Variants in ZGRF1 observed in about 807,000 individuals in gnomAD.
ZGRF1 encodes zinc finger GRF-type containing 1.
In ZGRF1, 196 loss-of-function variants were observed where a neutral mutation model predicts 203.5. The observed-to-expected ratio is 0.96, with a 90% CI of 0.86 to 1.08. ZGRF1 has a LOEUF of 1.08. Ranked by LOEUF, ZGRF1 falls within the 50% of genes least tolerant of loss-of-function variation. The probability of loss-of-function intolerance (pLI) is 0.00; values close to 1 mark genes in which losing one functional copy is unlikely to be tolerated. For synonymous variants in ZGRF1, 809 were observed against 841.3 expected (o/e 0.96, Z 0.66); for missense variants, 2,326 against 2,416.3 (o/e 0.96, Z 0.78).
chr4:112,609,370 A>G lies in ZGRF1; in HGVS notation c.2718+9T>C, dbSNP rs1751249011. 2 of 1,529,798 alleles carry G rather than the reference A, an allele frequency of 1.3e-6. No individual in the cohort carries two copies. The highest frequency in any genetic ancestry group is 2.8e-5 in the African/African-American group (2 of 71,722). 94.8% of individuals were successfully genotyped at this position (1,529,798 alleles called of 1,614,324 possible). A position where few individuals can be genotyped will look rare whatever the true frequency, so the allele number is the denominator to read the frequency against. On this transcript the variant is annotated intron_variant, in intron 8 of 27. Coordinates refer to ENST00000505019, the MANE Select transcript of ZGRF1 (RefSeq NM_018392.5). ...GCCCAGGGGCTAATTTATATTTTAAATAACTTACCTGCACAGACTGAAGTG... is the reference window on the plus strand; with the variant it reads ...GCCCAGGGGCTAATTTATATTTTAAGTAACTTACCTGCACAGACTGAAGTG...
intron 1 of ZGRF1, among the ~76,000 whole-genome samples, chr4:112,634,512 G>A (rs1244151965): frequency 6.6e-6 from 1 of 151,872 alleles, no homozygotes; most frequent in Non-Finnish European, 1.5e-5. Flanking sequence ...TTAGCCAGGT[G>A]TGGTGGTGCG....
intron 6 of ZGRF1, among the ~76,000 whole-genome samples, chr4:112,613,893 T>C (rs898468616): frequency 5.3e-5 from 8 of 152,220 alleles, no homozygotes; most frequent in African/African-American, 1.9e-4. Context: ...AGTGTAAACT[T>C]CATTTTTAGG....
Position 112,540,120 on chromosome 4 carries a change from C to T in ZGRF1, c.5915G>A (p.Cys1972Tyr). The T allele has an allele frequency of 6.5e-7, 1 of 1,543,602 alleles. No homozygotes were observed. Among genetic ancestry groups the T allele is most frequent in the Non-Finnish European group, 8.8e-7 (1 of 1,140,800 alleles). The change falls in exon 27 of 28, where the codon TGT (cysteine) becomes TAT (tyrosine). Residue 1972 changes from cysteine (C) to tyrosine (Y), a missense_variant. Coordinates refer to ENST00000505019, the MANE Select transcript of ZGRF1 (RefSeq NM_018392.5). ...AAAGTCCACAGCACTGAGTAAATGA[C>T]AAAGCTGTGGAAGAAAAAACAGCAA... The part of the protein sequence containing the change: ...TLYKSQMYKL[C>Y]HLLSAVDFHH...
At chr4:112,582,263 T>C (rs1306097242) in intron 15 of ZGRF1, among the ~76,000 whole-genome samples, 1 of 151,538 alleles carries the variant, frequency 6.6e-6, no homozygotes, top group Non-Finnish European at 1.5e-5. Context: ...AAATTATTGT[T>C]AACTATAATT....
chr4:112,603,676 G>A lies in ZGRF1; in HGVS notation c.2824C>T (p.Gln942Ter), dbSNP rs1750325920. The change falls in exon 10 of 28, where the codon CAA (glutamine) becomes TAA (stop). Residue 942 changes from glutamine to a stop codon, truncating the protein, a stop_gained. Transcript: ENST00000505019. LOFTEE classifies it high-confidence loss of function. ...DPKPVEFQGH[Q>*]VKGSATSGVM... ...CCACTAGTAGCTGATCCTTTTACTT[G>A]ATGTCCTTGAAACTCAACAGGCTAC... The A allele has an allele frequency of 6.2e-7, 1 of 1,613,308 alleles. No homozygotes were observed. The highest frequency in any genetic ancestry group is 1.3e-5 in the African/African-American group (1 of 74,906).
chr4:112,605,289 T>C (rs1750604285), intron 9 of ZGRF1, among the ~76,000 whole-genome samples: 1 of 152,006 alleles, frequency 6.6e-6, no homozygotes, highest in African/African-American at 2.4e-5. Context: ...GCCTCCAGAG[T>C]AGCTGGGACT....
intron 11 of ZGRF1, among the ~76,000 whole-genome samples, 195 bp from the exon 12 acceptor site, chr4:112,588,124 T>C (rs563252286): frequency 6.6e-6 from 1 of 152,138 alleles, no homozygotes; most frequent in African/African-American, 2.4e-5. Flanking sequence ...AATTCATATA[T>C]ACTGAAACAT....
intron 16 of ZGRF1, among the ~76,000 whole-genome samples, chr4:112,567,718 G>A (rs551982738): frequency 2.4e-4 from 36 of 152,242 alleles, no homozygotes; most frequent in Middle Eastern, 3.4e-3. Flanking sequence ...TTAAGCCCAC[G>A]AGTTCGAGAT....
chr4:112,587,043 T>G (rs1747305215), intron 12 of ZGRF1, among the ~76,000 whole-genome samples: 1 of 152,184 alleles, frequency 6.6e-6, no homozygotes. Context: ...ACTTATTAAG[T>G]ACTGATAATT....
At chr4:112,555,745 T>A (rs373549114) in intron 20 of ZGRF1, among the ~76,000 whole-genome samples, 3 of 152,300 alleles carry the variant, frequency 2.0e-5, no homozygotes, top group African/African-American at 2.4e-5. Flanking sequence ...AAGCACACAA[T>A]GAGAAGGTTA....
At chr4:112,561,060 A>G in intron 18 of ZGRF1, 65 bp from the exon 19 acceptor site, 1 of 1,253,874 alleles carries the variant, frequency 8.0e-7, no homozygotes, top group Non-Finnish European at 1.1e-6. Context: ...TGAGTAGAAT[A>G]ATTCATAACT....
intron 16 of ZGRF1, among the ~76,000 whole-genome samples, chr4:112,573,816 G>A (rs1578322658): frequency 6.6e-6 from 1 of 152,026 alleles, no homozygotes; most frequent in African/African-American, 2.4e-5. Flanking sequence ...CAAAGAATAT[G>A]AAGAATACAT....
chr4:112,584,136 A>C lies in ZGRF1; in HGVS notation c.4140T>G (p.Asp1380Glu), dbSNP rs1240258983. 2 of 1,613,216 alleles carry C rather than the reference A, an allele frequency of 1.2e-6. No individual in the cohort carries two copies. The highest frequency in any genetic ancestry group is 1.7e-6 in the Non-Finnish European group (2 of 1,179,630). The stretch of plus-strand genomic sequence containing the variant: ...CAAGCCATTTAAAGAATTTACATCG[A>C]TCAGCTTTGGGTCCATCACATGTAT... ...LFYTCDGPKA[D>E]RCKFFKWLED... Residue 1380 changes from aspartate to glutamate, a missense_variant, in exon 15 of 28, where the codon GAT becomes GAG. Coordinates refer to ENST00000505019, the MANE Select transcript of ZGRF1 (RefSeq NM_018392.5).
At chr4:112,602,378 C>CA (rs1750118904) in intron 10 of ZGRF1, among the ~76,000 whole-genome samples, 1 of 152,170 alleles carries the variant, frequency 6.6e-6, no homozygotes, top group Non-Finnish European at 1.5e-5. Flanking sequence ...AAACCAAAAA[C>CA]AGCATCAAGT....
At chr4:112,612,717 C>T (rs2149131406) in intron 6 of ZGRF1, 129 bp from the exon 7 acceptor site, 2 of 581,564 alleles carry the variant, frequency 3.4e-6, no homozygotes, top group African/African-American at 1.9e-5. Context: ...GGTAATTGTT[C>T]AATCTGGAAT....
chr4:112,574,436 T>C (rs1331239849), intron 16 of ZGRF1, among the ~76,000 whole-genome samples: 1 of 152,052 alleles, frequency 6.6e-6, no homozygotes, highest in African/African-American at 2.4e-5. Context: ...AGGAATTCAT[T>C]TACATAAATC....
chr4:112,565,298 T>A, intron 16 of ZGRF1: 1 of 1,505,620 alleles, frequency 6.6e-7, no homozygotes, highest in East Asian at 2.3e-5. Context: ...CTGGTTGGCC[T>A]TTTTGAAGAC....
At chr4:112,625,005 T>C (rs1350091704) in intron 3 of ZGRF1, among the ~76,000 whole-genome samples, 1 of 152,180 alleles carries the variant, frequency 6.6e-6, no homozygotes, top group African/African-American at 2.4e-5. Context: ...TTGGGCTTGG[T>C]ACACGGCTCA....
In ZGRF1 at chr4:112,569,199, T is replaced by C. The variant is rs375023783; in HGVS notation, c.4439-5925A>G. On this transcript the variant is annotated intron_variant, in intron 16 of 27. Coordinates refer to ENST00000505019, the MANE Select transcript of ZGRF1 (RefSeq NM_018392.5). ...AGCCAAATTATTGTCCAAAGAAAGA[T>C]AGAAAATAGATCTATACTAACCAAG... Among the ~76,000 whole-genome samples the C allele has an allele frequency of 7.2e-5, 11 of 152,276 alleles. No homozygotes were observed. In the East Asian group the frequency reaches 9.6e-4, roughly 13 times the overall value.
Sources: allele counts gnomAD v4.1 joint callset (sites outside exome capture counted in the v4.1 genomes callset), GRCh38; gene constraint gnomAD v4.1.1; transcripts MANE v1.5; gene names NCBI Gene and HGNC (gene_info 2026-07-23, HGNC 2026-07-21).